The following TERF1 variants were observed in gnomAD, a reference collection of about 807,000 sequenced individuals.
The protein encoded by TERF1 is telomeric repeat binding factor 1, also known as telomeric repeat-binding factor 1.
A neutral mutation model predicts 55.1 loss-of-function variants in TERF1; 20 were observed. That is an observed-to-expected ratio of 0.36 (90% CI 0.26 to 0.53). The LOEUF is 0.53. Ranked by LOEUF, TERF1 falls within the 20% of genes least tolerant of loss-of-function variation. TERF1 has a pLI of 0.91. For synonymous variants in TERF1, 168 were observed against 181.2 expected (o/e 0.93, Z 0.59); for missense variants, 439 against 535.7 (o/e 0.82, Z 1.78).
intron 1 of TERF1, chr8:73,011,297 C>CA (rs1052122082): frequency 2.0e-5 from 3 of 152,290 alleles, no homozygotes; most frequent in Non-Finnish European, 4.4e-5. Context: ...CCTGTAATCC[C>CA]AGCCCTTTGG....
chr8:73,030,273 A>G (rs940266486), intron 6 of TERF1, 63 bp from the exon 7 acceptor site: 11 of 1,039,470 alleles, frequency 1.1e-5, no homozygotes, highest in Non-Finnish European at 1.4e-5. Context: ...CTATGTGGAA[A>G]GTACTATCCT....
intron 2 of TERF1, among the ~76,000 whole-genome samples, chr8:73,019,897 CT>C (rs1277038835): frequency 6.6e-6 from 1 of 152,134 alleles, no homozygotes; most frequent in Non-Finnish European, 1.5e-5. Flanking sequence ...TTTCCAGAAC[CT>C]TTTTTCTTTC....
intron 9 of TERF1, 77 bp downstream of exon 9, chr8:73,039,296 T>C (rs1809735707): frequency 2.8e-6 from 3 of 1,053,800 alleles, no homozygotes; most frequent in Non-Finnish European, 4.0e-6. Context: ...TTATTTCTGT[T>C]CAACCTCCCC....
chr8:73,039,118 A>G lies in TERF1; in HGVS notation c.1042A>G (p.Thr348Ala). Residue 348 changes from threonine to alanine, a missense_variant and splice_region_variant, in exon 9 of 10, where the codon ACA becomes GCA. By Grantham distance (58) the Thr-to-Ala change is moderately conservative (BLOSUM62 0). Coordinates refer to ENST00000276603, the MANE Select transcript of TERF1 (RefSeq NM_017489.3). Reference protein sequence around the residue: ...KERRVGTPQSTKKKKESRRAT... With the variant: ...KERRVGTPQSAKKKKESRRAT... ...TGACATTATTTTTCTACTTTTAGGT[A>G]CAAAAAAGAAAAAAGAAAGCAGAAG... The G allele has an allele frequency of 8.9e-6, 14 of 1,571,092 alleles. No homozygotes were observed. The highest frequency in any genetic ancestry group is 1.2e-5 in the Non-Finnish European group (14 of 1,161,250).
chr8:73,032,252 CTTGACTTCATAGAG>C (rs1586054528), intron 8 of TERF1, 119 bp downstream of exon 8: 1 of 652,748 alleles, frequency 1.5e-6, no homozygotes, highest in East Asian at 2.9e-5. Flanking sequence ...AGCACAAAGT[CTTGACTTCATAGAG>C]TTAATTGAGA....
At position 73,013,904 on chromosome 8, in the gene TERF1, A is replaced by G. The variant is rs747874839; in HGVS notation, c.329A>G (p.His110Arg). Residue 110 changes from histidine to arginine, a missense_variant, in exon 2 of 10, where the codon CAT becomes CGT. This residue lies in a region of TERF1 where 179 missense variants were observed against 152.6 expected (regional missense o/e 1.17). Coordinates refer to ENST00000276603, the MANE Select transcript of TERF1 (RefSeq NM_017489.3). ...TTTTTTTCTTTTTTAGCTATTATTC[A>G]TGGACTATCCAGTCTAACAGCTTGC... Reference protein sequence around the residue: ...RTRNSAEAIIHGLSSLTACQL... With the variant: ...RTRNSAEAIIRGLSSLTACQL... The G allele has an allele frequency of 3.1e-6, 5 of 1,605,896 alleles. No individual in the cohort carries two copies. Among genetic ancestry groups the G allele is most frequent in the Admixed American group, 1.7e-5 (1 of 59,228 alleles).
At chr8:73,030,555 A>G in intron 7 of TERF1, 160 bp downstream of exon 7, 1 of 480,896 alleles carries the variant, frequency 2.1e-6, no homozygotes. Flanking sequence ...ACATCTTGAA[A>G]TTCCAAACTG....
chr8:73,031,202 G>A (rs1429087971), intron 7 of TERF1: 3 of 152,172 alleles, frequency 2.0e-5, no homozygotes, highest in Non-Finnish European at 4.4e-5. Context: ...TTTATGGAGG[G>A]TGGAAGATTA....
chr8:73,033,219 T>G (rs574126044), intron 8 of TERF1, among the ~76,000 whole-genome samples: 1 of 152,234 alleles, frequency 6.6e-6, no homozygotes, highest in South Asian at 2.1e-4. Context: ...TAGCAAATAT[T>G]TGTAAATAGA....
chr8:73,037,274 G>C (rs1809573610), intron 8 of TERF1, among the ~76,000 whole-genome samples: 1 of 135,952 alleles, frequency 7.4e-6, no homozygotes, highest in African/African-American at 2.7e-5. Flanking sequence ...TATAAAACAT[G>C]TTATGAGAAG....
At chr8:73,025,030 G>A (rs1808920779) in intron 5 of TERF1, 59 bp downstream of exon 5, 3 of 1,026,908 alleles carry the variant, frequency 2.9e-6, no homozygotes, top group Non-Finnish European at 4.1e-6. Context: ...TATAATAAAG[G>A]AGAATACTTG....
chr8:73,043,947 GA>G (rs961469864), intron 9 of TERF1, among the ~76,000 whole-genome samples: 2 of 152,174 alleles, frequency 1.3e-5, no homozygotes, highest in African/African-American at 4.8e-5. Flanking sequence ...GCTCTTTAAA[GA>G]GAGTTTATGT....
intron 8 of TERF1, among the ~76,000 whole-genome samples, chr8:73,037,888 T>G (rs1326907981): frequency 1.8e-4 from 22 of 121,166 alleles, no homozygotes; most frequent in Non-Finnish European, 2.9e-4. Flanking sequence ...ATAAATATGA[T>G]ATATAATATA....
intron 2 of TERF1, among the ~76,000 whole-genome samples, chr8:73,017,195 C>G (rs572665813): frequency 6.6e-6 from 1 of 152,234 alleles, no homozygotes; most frequent in African/African-American, 2.4e-5. Context: ...TAAGTAATGT[C>G]AGTCAAGAAA....
intron 2 of TERF1, 75 bp downstream of exon 2, chr8:73,014,065 C>T (rs949925092): frequency 3.6e-5 from 46 of 1,276,460 alleles, no homozygotes; most frequent in Non-Finnish European, 4.0e-5. Flanking sequence ...AAGAAACAGA[C>T]GTTTTTGGGG....
intron 2 of TERF1, among the ~76,000 whole-genome samples, chr8:73,019,413 C>T (rs551935736): frequency 6.6e-6 from 1 of 152,124 alleles, no homozygotes; most frequent in Non-Finnish European, 1.5e-5. Flanking sequence ...ATTTTTTCCT[C>T]ATGCTCTACA....
Position 73,047,186 on chromosome 8 carries a change from G to C in TERF1, c.*1049G>C, listed in dbSNP as rs1165974853. On this transcript the variant is annotated 3_prime_UTR_variant, in exon 10 of 10. Coordinates refer to ENST00000276603, the MANE Select transcript of TERF1 (RefSeq NM_017489.3). ...GTTTCCTGAATCTAAAATAAAAATC[G>C]AAATAATTTTTTTAAAAAAGAAAAA... 1.3e-5 allele frequency: 2 copies of C among 151,932 alleles called. No homozygotes were observed. Among genetic ancestry groups the C allele is most frequent in the Non-Finnish European group, 2.9e-5 (2 of 67,990 alleles). 9.4% of individuals were successfully genotyped at this position (151,932 alleles called of 1,614,324 possible).
rs1446106758 is a variant in TERF1, at chr8:73,046,324, G to C, written c.*187G>C. 5 of 396,458 alleles carry C rather than the reference G, an allele frequency of 1.3e-5. No homozygotes were observed. Among genetic ancestry groups the C allele is most frequent in the Non-Finnish European group, 2.2e-5 (5 of 223,392 alleles). The allele number at this position is 396,458 out of a possible 1,614,324, so 24.6% of individuals were successfully genotyped here. A position where few individuals can be genotyped will look rare whatever the true frequency, so the allele number is the denominator to read the frequency against. ...CATATGCTATCATTGTATTCTTTAA[G>C]AACCTTATTTTGATAAAATGTAAAT... On this transcript the variant is annotated 3_prime_UTR_variant, in exon 10 of 10. Transcript: ENST00000276603.
At chr8:73,041,877 G>A (rs984845651) in intron 9 of TERF1, among the ~76,000 whole-genome samples, 3 of 152,010 alleles carry the variant, frequency 2.0e-5, no homozygotes, top group Non-Finnish European at 2.9e-5. Flanking sequence ...TTATCCACAC[G>A]GATCCTCCAT....
Sources: gnomAD v4.1 joint callset for allele counts (sites outside exome capture counted in the v4.1 genomes callset) on GRCh38, gnomAD v4.1.1 for gene constraint, gnomAD v4.1.1 regional missense constraint, MANE v1.5 for transcripts, NCBI Gene and HGNC (gene_info 2026-07-23, HGNC 2026-07-21) for gene names.